The following DAB2IP variants were observed in gnomAD, a reference collection of about 807,000 sequenced individuals.
DAB2IP encodes disabled homolog 2-interacting protein.
DAB2IP carries 28 observed loss-of-function variants against 107.2 expected under a neutral mutation model. The observed-to-expected ratio is 0.26, with a 90% CI of 0.19 to 0.36. DAB2IP has a LOEUF of 0.36. DAB2IP is among the 10% of genes least tolerant of loss of function. The probability of loss-of-function intolerance (pLI) is 1.00; values close to 1 mark genes in which losing one functional copy is unlikely to be tolerated. For missense variants in DAB2IP, 1,400 were observed against 1,644.7 expected, an observed-to-expected ratio of 0.85 and a Z score of 2.57; for synonymous variants, 755 against 706.4, an observed-to-expected ratio of 1.07 and a Z score of -1.09.
In DAB2IP at chr9:121,599,363, C is replaced by G. The variant is rs1051516671; in HGVS notation, c.40+32135C>G. ...CGGAGCGGAGGGCCTCGGCTCTGCCCAGTCCGGCCTGGGCGGGGCGGTGGT... is the reference window on the plus strand; with the variant it reads ...CGGAGCGGAGGGCCTCGGCTCTGCCGAGTCCGGCCTGGGCGGGGCGGTGGT... On this transcript the variant is annotated intron_variant, in intron 1 of 16. Transcript: ENST00000259371. This position sits in a 1 kb window ranked among gnomAD's most constrained non-coding sequence, Gnocchi z 6.9. Among the ~76,000 whole-genome samples the G allele has an allele frequency of 6.6e-5, 10 of 152,270 alleles. No homozygotes were observed. Among genetic ancestry groups the G allele is most frequent in the South Asian group, 2.1e-4 (1 of 4,820 alleles).
At chr9:121,674,772 A>G (rs898701852) in intron 1 of DAB2IP, among the ~76,000 whole-genome samples, 1 of 151,902 alleles carries the variant, frequency 6.6e-6, no homozygotes, top group African/African-American at 2.4e-5. Flanking sequence ...GTGGAAAGAC[A>G]TCCTCACCGG....
intron 3 of DAB2IP, among the ~76,000 whole-genome samples, chr9:121,706,571 T>C (rs73664512): frequency 0.01 from 1,528 of 152,268 alleles, 38 homozygotes; most frequent in African/African-American, 0.036. Context: ...GGGCAAGCCG[T>C]GGTTCCTCTC....
At chr9:121,693,441 C>G (rs1168718888) in intron 2 of DAB2IP, among the ~76,000 whole-genome samples, 2 of 152,242 alleles carry the variant, frequency 1.3e-5, no homozygotes, top group Admixed American at 6.5e-5. Flanking sequence ...ATGGGATCTT[C>G]TCCTCCCTTT....
intron 1 of DAB2IP, among the ~76,000 whole-genome samples, chr9:121,622,114 G>A (rs2118996833): frequency 6.7e-6 from 1 of 148,738 alleles, no homozygotes; most frequent in South Asian, 2.1e-4. Flanking sequence ...TCAGCCTCCT[G>A]AGTAGCTGGG....
In DAB2IP at chr9:121,635,762, C is replaced by T. The variant is rs573809284; in HGVS notation, c.41-42916C>T. Among the ~76,000 whole-genome samples the T allele has an allele frequency of 3.3e-5, 5 of 152,090 alleles. No homozygotes were observed. Among genetic ancestry groups the T allele is most frequent in the African/African-American group, 4.8e-5 (2 of 41,406 alleles). On this transcript the variant is annotated intron_variant, in intron 1 of 16. Coordinates refer to the DAB2IP transcript ENST00000259371. The surrounding 1 kb of genome is among the most constrained non-coding windows in gnomAD (Gnocchi z 4.3). ...AAGACAGTGGGGAGCGGGTTTTGGC[C>T]CAGCCCCACGCAGAGCCTTAAAGAC...
chr9:121,592,092 C>T (rs562700762), intron 1 of DAB2IP, among the ~76,000 whole-genome samples: 27 of 152,044 alleles, frequency 1.8e-4, no homozygotes, highest in East Asian at 5.8e-4. Context: ...TCTGGCCAGG[C>T]GCCAGTGGCT....
rs368618543 is a variant in DAB2IP at position 121,666,164 on chromosome 9, A to C, written c.125-12514A>C. Among the ~76,000 whole-genome samples, 11 of 152,212 alleles carry C rather than the reference A, an allele frequency of 7.2e-5. No individual in the cohort carries two copies. In the East Asian group the frequency reaches 1.9e-3, roughly 27 times the overall value. The stretch of plus-strand genomic sequence containing the variant: ...GCCTGGTTCCTTGTCTCATAGCCCC[A>C]TGTCACTCCCACCTCTGCTTCCATC... On this transcript the variant is annotated intron_variant, in intron 1 of 15. Coordinates refer to ENST00000408936, the Ensembl canonical transcript of DAB2IP.
intron 13 of DAB2IP, among the ~76,000 whole-genome samples, chr9:121,775,888 T>C (rs1394705063): frequency 1.3e-5 from 2 of 152,174 alleles, no homozygotes; most frequent in African/African-American, 2.4e-5. Context: ...CTTTGTCATA[T>C]AAAAGTTCAA....
At chr9:121,749,935 A>G (rs1832986036) in intron 3 of DAB2IP, among the ~76,000 whole-genome samples, 1 of 152,202 alleles carries the variant, frequency 6.6e-6, no homozygotes, top group African/African-American at 2.4e-5. Context: ...CAGCGTGTGC[A>G]TCGTTCACCA....
chr9:121,642,044 T>TTTCTTTCTTTCTTTCTTTCC (rs1832365686), intron 1 of DAB2IP, among the ~76,000 whole-genome samples: 1 of 49,142 alleles, frequency 2.0e-5, no homozygotes, highest in Non-Finnish European at 3.7e-5. Flanking sequence ...TCTTTCTTTC[T>TTTCTTTCTTTCTTTCTTTCC]TTCTTTCTTT....
intron 3 of DAB2IP, among the ~76,000 whole-genome samples, chr9:121,707,307 A>G (rs1318868720): frequency 1.3e-5 from 2 of 152,098 alleles, no homozygotes; most frequent in Admixed American, 6.5e-5. Flanking sequence ...GCAGCCTGAG[A>G]AGGTTTTTGC....
At chr9:121,705,620 T>C (rs1305879557) in intron 3 of DAB2IP, among the ~76,000 whole-genome samples, 1 of 152,248 alleles carries the variant, frequency 6.6e-6, no homozygotes, top group Non-Finnish European at 1.5e-5. Flanking sequence ...TGTGTGCATG[T>C]GTGCACTTTC....
intron 1 of DAB2IP, among the ~76,000 whole-genome samples, chr9:121,572,095 G>C (rs1242577526): frequency 1.3e-5 from 2 of 152,130 alleles, no homozygotes; most frequent in African/African-American, 4.8e-5. Flanking sequence ...CCAAAGAAGG[G>C]GGCAAGACAG....
chr9:121,757,128 G>T (rs781780636), exon 4 of DAB2IP: 2 of 1,614,064 alleles, frequency 1.2e-6, no homozygotes, highest in Non-Finnish European at 1.7e-6. Context: ...CATCAAGCCC[G>T]TGCACAGCAG....
intron 1 of DAB2IP, among the ~76,000 whole-genome samples, chr9:121,623,781 G>A (rs1034126759): frequency 6.6e-6 from 1 of 152,146 alleles, no homozygotes; most frequent in Admixed American, 6.5e-5. Flanking sequence ...TCCGCCTCCT[G>A]GGTCCAAGTG....
At chr9:121,711,087 ACTTAGT>A (rs1830316777) in intron 3 of DAB2IP, among the ~76,000 whole-genome samples, 2 of 152,214 alleles carry the variant, frequency 1.3e-5, no homozygotes, top group Admixed American at 6.5e-5. Context: ...CTGGCAGAGA[ACTTAGT>A]CTTAGAGTCT....
At chr9:121,777,135 C>T (rs560320087) in intron 14 of DAB2IP, among the ~76,000 whole-genome samples, 10 of 152,222 alleles carry the variant, frequency 6.6e-5, no homozygotes, top group East Asian at 1.9e-4. Flanking sequence ...GGGTCCCAGT[C>T]GTGGAGTTTA....
At chr9:121,627,490 C>T (rs1831703256) in intron 1 of DAB2IP, among the ~76,000 whole-genome samples, 1 of 151,984 alleles carries the variant, frequency 6.6e-6, no homozygotes, top group Admixed American at 6.6e-5. Context: ...GAAGGAGAAT[C>T]TATGAATTTA....
chr9:121,661,928 C>G (rs1405345849), intron 1 of DAB2IP, among the ~76,000 whole-genome samples: 1 of 151,654 alleles, frequency 6.6e-6, no homozygotes, highest in Admixed American at 6.6e-5. Flanking sequence ...TTGTGATGAC[C>G]TATGATCGCA....
Sources: gnomAD v4.1 joint callset for allele counts (sites outside exome capture counted in the v4.1 genomes callset) on GRCh38, gnomAD v4.1.1 for gene constraint, Gnocchi (gnomAD v3.1) non-coding constraint, MANE v1.5 for transcripts, NCBI Gene and HGNC (gene_info 2026-07-23, HGNC 2026-07-21) for gene names.